The following MVB12B variants were observed in gnomAD, a reference collection of about 807,000 sequenced individuals.
MVB12B encodes ESCRT-I complex subunit MVB12B.
Under a neutral mutation model 41.6 loss-of-function variants are expected in MVB12B, and 16 were observed. The ratio of observed to expected loss-of-function variants is 0.38; its 90% CI spans 0.26 to 0.58. The LOEUF (loss-of-function observed/expected upper bound fraction) is 0.58. MVB12B is among the 20% of genes least tolerant of loss of function. The probability of loss-of-function intolerance (pLI) is 0.62; values close to 1 mark genes in which losing one functional copy is unlikely to be tolerated. For missense variants in MVB12B, 274 were observed against 380.2 expected, an observed-to-expected ratio of 0.72 and a Z score of 2.32; for synonymous variants, 133 against 139.7, an observed-to-expected ratio of 0.95 and a Z score of 0.34.
chr9:126,410,878 T>G lies in MVB12B; in HGVS notation c.663-10976T>G, dbSNP rs538508567. Reference sequence around the variant, plus strand: ...AGACTCTCAACAGATGTTTGTTATTTTGGTTATTTCTTTTTTTTTTTTTTT... The same window carrying G: ...AGACTCTCAACAGATGTTTGTTATTGTGGTTATTTCTTTTTTTTTTTTTTT... On this transcript the variant is annotated intron_variant, in intron 6 of 9. Transcript: ENST00000361171. Among the ~76,000 whole-genome samples, 3 of 151,468 alleles carry G rather than the reference T, an allele frequency of 2.0e-5. No homozygotes were observed. In the East Asian group the frequency reaches 5.9e-4, roughly 30 times the overall value.
chr9:126,481,465 C>G (rs770040025), intron 8 of MVB12B, 41 bp downstream of exon 8: 4 of 1,466,016 alleles, frequency 2.7e-6, no homozygotes, highest in African/African-American at 1.4e-5. Context: ...CTGCCACCCC[C>G]CAGCCTGAGG....
chr9:126,455,281 G>A (rs1408811126), intron 7 of MVB12B, among the ~76,000 whole-genome samples: 5 of 151,274 alleles, frequency 3.3e-5, no homozygotes, highest in East Asian at 1.9e-4. Context: ...TCCGCCTCCC[G>A]GGTTCAAGTG....
At chr9:126,492,747 TG>T (rs1833759322) in intron 9 of MVB12B, among the ~76,000 whole-genome samples, 1 of 152,148 alleles carries the variant, frequency 6.6e-6, no homozygotes, top group South Asian at 2.1e-4. Context: ...AGGAGGCTGA[TG>T]TGGGAGGATC....
chr9:126,342,258 C>T (rs1438728027), intron 2 of MVB12B, among the ~76,000 whole-genome samples: 1 of 152,158 alleles, frequency 6.6e-6, no homozygotes, highest in African/African-American at 2.4e-5. Flanking sequence ...TAGGAGGGCT[C>T]TCAGGGAGCT....
At chr9:126,394,751 C>T (rs560928907) in intron 5 of MVB12B, among the ~76,000 whole-genome samples, 2 of 152,318 alleles carry the variant, frequency 1.3e-5, no homozygotes, top group East Asian at 3.9e-4. Context: ...CTGGGGTGTT[C>T]TGAGAAGCTT....
At chr9:126,448,730 G>A (rs772254441) in intron 7 of MVB12B, among the ~76,000 whole-genome samples, 5 of 152,106 alleles carry the variant, frequency 3.3e-5, no homozygotes, top group African/African-American at 1.2e-4. Context: ...ACCAGATCTC[G>A]GTGAATTAAT....
intron 7 of MVB12B, among the ~76,000 whole-genome samples, chr9:126,469,379 A>G (rs1183368239): frequency 6.6e-6 from 1 of 152,188 alleles, no homozygotes; most frequent in Non-Finnish European, 1.5e-5. Flanking sequence ...TCCTTAGAAA[A>G]TATATTCATG....
chr9:126,479,112 A>C (rs1374728370), intron 7 of MVB12B, among the ~76,000 whole-genome samples: 1 of 149,986 alleles, frequency 6.7e-6, no homozygotes. Flanking sequence ...AGTGAGGACC[A>C]TGACAGGTGA....
rs1427525209 is a variant in MVB12B at position 126,506,571 on chromosome 9, G to A, written c.*3308G>A. The A allele has an allele frequency of 6.6e-6, 1 of 152,304 alleles. No individual in the cohort carries two copies. The highest frequency in any genetic ancestry group is 1.5e-5 in the Non-Finnish European group (1 of 68,088). 9.4% of individuals were successfully genotyped at this position (152,304 alleles called of 1,614,324 possible). On this transcript the variant is annotated 3_prime_UTR_variant, in exon 10 of 10. Coordinates refer to ENST00000361171, the MANE Select transcript of MVB12B (RefSeq NM_033446.3). ...GATGAGGGCCCTCCAGAGCCTGCAG[G>A]CATCTGTGGGGAATCCCAGCCTGCA...
At chr9:126,328,270 C>G (rs989159770) in intron 1 of MVB12B, among the ~76,000 whole-genome samples, 1 of 152,066 alleles carries the variant, frequency 6.6e-6, no homozygotes, top group Non-Finnish European at 1.5e-5. Context: ...GACCCGGGCT[C>G]CAAGCCCCAT....
chr9:126,327,725 T>G (rs1207312903), intron 1 of MVB12B, among the ~76,000 whole-genome samples: 2 of 152,152 alleles, frequency 1.3e-5, no homozygotes, highest in African/African-American at 4.8e-5. Flanking sequence ...TTTGTCCTCT[T>G]TGTTACCAAC....
intron 7 of MVB12B, among the ~76,000 whole-genome samples, chr9:126,432,235 G>A (rs1832349025): frequency 6.6e-6 from 1 of 152,190 alleles, no homozygotes; most frequent in African/African-American, 2.4e-5. Context: ...CTTCCTTAGA[G>A]ACAGCATAAT....
intron 2 of MVB12B, among the ~76,000 whole-genome samples, chr9:126,360,145 G>A (rs1253905595): frequency 1.3e-5 from 2 of 152,132 alleles, no homozygotes; most frequent in African/African-American, 4.8e-5. Flanking sequence ...CATTCACAAT[G>A]CTATCTAATT....
intron 6 of MVB12B, among the ~76,000 whole-genome samples, chr9:126,417,861 G>C (rs776602348): frequency 6.6e-6 from 1 of 152,212 alleles, no homozygotes; most frequent in Non-Finnish European, 1.5e-5. Flanking sequence ...GCATGGTTGG[G>C]TGGGATCTTG....
rs962632112 is a variant in MVB12B at position 126,353,791 on chromosome 9, A to G, written c.204+13161A>G. Reference sequence around the variant, plus strand: ...TAGTAACCACTGTGCTGCTGATAAAAATTTAGATTTTTCTTTTTGGTCTGT... The same window carrying G: ...TAGTAACCACTGTGCTGCTGATAAAGATTTAGATTTTTCTTTTTGGTCTGT... On this transcript the variant is annotated intron_variant, in intron 2 of 9. Transcript: ENST00000361171. Among the ~76,000 whole-genome samples, 143 of 152,304 alleles carry G rather than the reference A, an allele frequency of 9.4e-4. 1 individual carries two copies. The highest frequency in any genetic ancestry group is 3.3e-3 in the African/African-American group (139 of 41,558).
intron 7 of MVB12B, among the ~76,000 whole-genome samples, chr9:126,445,845 C>T (rs1338980750): frequency 2.6e-5 from 4 of 152,124 alleles, no homozygotes; most frequent in Non-Finnish European, 4.4e-5. Flanking sequence ...TCTCTGTATG[C>T]TTGTTATTTC....
intron 3 of MVB12B, among the ~76,000 whole-genome samples, chr9:126,382,737 C>T (rs114743191): frequency 2.0e-5 from 3 of 152,192 alleles, no homozygotes; most frequent in African/African-American, 4.8e-5. Flanking sequence ...TTGCATTTCC[C>T]CCCAGAGACT....
chr9:126,358,386 G>A (rs972738891), intron 2 of MVB12B, among the ~76,000 whole-genome samples: 2 of 151,164 alleles, frequency 1.3e-5, no homozygotes, highest in East Asian at 3.9e-4. Context: ...TATTAAATGT[G>A]TGGGTCAATT....
chr9:126,368,895 A>G (rs1192955381), intron 2 of MVB12B, among the ~76,000 whole-genome samples: 2 of 152,190 alleles, frequency 1.3e-5, no homozygotes, highest in Non-Finnish European at 1.5e-5. Flanking sequence ...TGTGTTTTTA[A>G]TATAAATTAG....
Sources: gnomAD v4.1 joint callset for allele counts (sites outside exome capture counted in the v4.1 genomes callset) on GRCh38, gnomAD v4.1.1 for gene constraint, MANE v1.5 for transcripts, NCBI Gene and HGNC (gene_info 2026-07-23, HGNC 2026-07-21) for gene names.